The following MYH14 variants were observed in gnomAD, a reference collection of about 807,000 sequenced individuals.
MYH14 encodes the protein myosin-14.
A neutral mutation model predicts 255.5 loss-of-function variants in MYH14; 123 were observed. That is an observed-to-expected ratio of 0.48 (90% CI 0.42 to 0.56). The LOEUF (loss-of-function observed/expected upper bound fraction) is 0.56, where lower values mean the gene tolerates loss of function less well. Ranked by LOEUF, MYH14 falls within the 20% of genes least tolerant of loss-of-function variation. The pLI, the probability that MYH14 is intolerant of heterozygous loss-of-function variation, is 0.00. For missense variants in MYH14, 2,423 were observed against 2,802.3 expected (o/e 0.86, Z 3.06); for synonymous variants, 1,095 against 1,161.2 (o/e 0.94, Z 1.16).
rs746906367 is a variant in MYH14 at position 50,289,456 on chromosome 19, C to T, written c.4773C>T (p.Ala1591=). 76 of 1,610,970 alleles carry T rather than the reference C, an allele frequency of 4.7e-5. No homozygotes were observed. Among genetic ancestry groups the T allele is most frequent in the Non-Finnish European group, 6.1e-5 (72 of 1,178,860 alleles). The part of the protein sequence containing the change: ...VGKSVHELER[A]CRVAEQAAND... The stretch of plus-strand genomic sequence containing the variant: ...ACCAGGTGCATGAGCTGGAACGAGC[C>T]TGCCGGGTAGCAGAACAGGCAGCCA... Residue 1591 remains alanine (A), a synonymous_variant, in exon 35 of 43, where the codon GCC becomes GCT. Transcript: ENST00000642316.
intron 1 of MYH14, chr19:50,205,344 C>A: frequency 6.5e-6 from 1 of 154,352 alleles, no homozygotes; most frequent in South Asian, 1.8e-4. Context: ...GGCTCAACCC[C>A]CGCCTTCCCC....
intron 16 of MYH14, among the ~76,000 whole-genome samples, chr19:50,254,217 C>CA (rs56737609): frequency 0.017 from 1,426 of 85,026 alleles, 13 homozygotes; most frequent in African/African-American, 0.041. Context: ...AACTCTGTCT[C>CA]AAAAAAAAAA....
intron 23 of MYH14, 29 bp downstream of exon 23, chr19:50,267,037 C>A (rs1481859421): frequency 3.3e-6 from 4 of 1,220,010 alleles, no homozygotes; most frequent in South Asian, 4.3e-5. Context: ...GGCGTGGGGG[C>A]GTGTCTTCGG....
chr19:50,274,790 G>A (rs1474641520), intron 27 of MYH14, among the ~76,000 whole-genome samples: 1 of 152,076 alleles, frequency 6.6e-6, no homozygotes, highest in Non-Finnish European at 1.5e-5. Context: ...AATTAGCCAA[G>A]CATGGTGGCA....
At chr19:50,294,434 ATTTT>A (rs35542007) in intron 39 of MYH14, among the ~76,000 whole-genome samples, 21 of 134,526 alleles carry the variant, frequency 1.6e-4, no homozygotes, top group Non-Finnish European at 1.6e-4. Flanking sequence ...TTTTTTTCTA[ATTTT>A]TTTTTTTTTT....
intron 15 of MYH14, among the ~76,000 whole-genome samples, chr19:50,251,606 C>T (rs1180409656): frequency 6.6e-6 from 1 of 151,740 alleles, no homozygotes; most frequent in Non-Finnish European, 1.5e-5. Context: ...GAGACAGAGT[C>T]TCCCTCTGTT....
intron 16 of MYH14, among the ~76,000 whole-genome samples, chr19:50,253,117 T>C (rs1905064745): frequency 6.6e-6 from 1 of 152,204 alleles, no homozygotes; most frequent in African/African-American, 2.4e-5. Flanking sequence ...AGTAAACTTA[T>C]TATTTTTAGA....
At chr19:50,291,452 C>T (rs1293592630) in intron 36 of MYH14, among the ~76,000 whole-genome samples, 1 of 152,046 alleles carries the variant, frequency 6.6e-6, no homozygotes, top group Non-Finnish European at 1.5e-5. Context: ...AGGCGTGCGC[C>T]ATAATTTTTG....
At chr19:50,206,567 C>T (rs977802105) in intron 1 of MYH14, among the ~76,000 whole-genome samples, 4 of 151,956 alleles carry the variant, frequency 2.6e-5, no homozygotes, top group African/African-American at 7.3e-5. Context: ...AAGGGTCCAG[C>T]GTTTGAGGCC....
chr19:50,284,526 C>A (rs1321610816), intron 33 of MYH14, among the ~76,000 whole-genome samples: 1 of 151,874 alleles, frequency 6.6e-6, no homozygotes, highest in African/African-American at 2.4e-5. Flanking sequence ...TGCCGCCACA[C>A]CCGGCTAATT....
chr19:50,250,434 A>G lies in MYH14; in HGVS notation c.1657-81A>G. On this transcript the variant is annotated intron_variant, in intron 14 of 42. Coordinates refer to ENST00000642316, the MANE Select transcript of MYH14 (RefSeq NM_001145809.2). The surrounding 1 kb of genome is among the most constrained non-coding windows in gnomAD (Gnocchi z 5.4). ...TTGTTTTTATGTCCAAGTGTGACTT[A>G]TAAGAGCTAAAAATCAGCAGCCACC... 1.4e-6 allele frequency: 2 copies of G among 1,422,936 alleles called. No individual in the cohort carries two copies. Among genetic ancestry groups the G allele is most frequent in the East Asian group, 2.5e-5 (1 of 40,360 alleles). The allele number at this position is 1,422,936 out of a possible 1,614,324, so 88.1% of individuals were successfully genotyped here.
intron 20 of MYH14, among the ~76,000 whole-genome samples, chr19:50,261,073 CGCCCCCTCCCTATAACTCTTCTCCCCT>C (rs2034837422): frequency 1.9e-5 from 2 of 105,044 alleles, no homozygotes; most frequent in South Asian, 3.8e-4. Flanking sequence ...ACTCCCCCAT[CGCCCCCTCCCTATAACTCTTCTCCCCT>C]ATCACCCTCC....
chr19:50,279,876 T>G (rs1198431786), intron 30 of MYH14, among the ~76,000 whole-genome samples, 161 bp from the exon 31 acceptor site: 1 of 152,234 alleles, frequency 6.6e-6, no homozygotes, highest in Non-Finnish European at 1.5e-5. Flanking sequence ...TGTTGGGTCA[T>G]GTGGGAACCC....
chr19:50,231,950 T>C lies in MYH14; in HGVS notation c.994T>C (p.Cys332Arg), dbSNP rs1568481296. ...QLKADLLLEP[C>R]SHYRFLTNGP... ...TGCAGCCGACCTCCTCCTCGAGCCCTGCTCCCACTACCGGTTCCTGACCAA... is the reference window on the plus strand; with the variant it reads ...TGCAGCCGACCTCCTCCTCGAGCCCCGCTCCCACTACCGGTTCCTGACCAA... Residue 332 changes from cysteine to arginine, a missense_variant, in exon 10 of 43, where the codon TGC becomes CGC. Cys to Arg is a radical substitution (Grantham distance 180, BLOSUM62 -3). This residue lies in a region of MYH14 where 672 missense variants were observed against 881.8 expected (regional missense o/e 0.76). Transcript: ENST00000642316. The C allele has an allele frequency of 1.2e-6, 2 of 1,613,976 alleles. No individual in the cohort carries two copies. Among genetic ancestry groups the C allele is most frequent in the Non-Finnish European group, 1.7e-6 (2 of 1,179,900 alleles).
At chr19:50,286,390 T>C (rs972727932) in intron 33 of MYH14, 92 bp from the exon 34 acceptor site, 7 of 1,227,110 alleles carry the variant, frequency 5.7e-6, no homozygotes, top group Non-Finnish European at 7.9e-6. Flanking sequence ...TCTCTCTCTT[T>C]CTCTGTTCCT....
intron 21 of MYH14, among the ~76,000 whole-genome samples, chr19:50,261,960 G>A (rs916581119): frequency 6.6e-6 from 1 of 152,156 alleles, no homozygotes; most frequent in African/African-American, 2.4e-5. Flanking sequence ...GGCAACCCAG[G>A]TCAAGCTGTC....
rs774248169 is a variant in MYH14, at chr19:50,250,497, C to G, written c.1657-18C>G. On this transcript the variant is annotated intron_variant, in intron 14 of 42. Transcript: ENST00000642316. This position sits in a 1 kb window ranked among gnomAD's most constrained non-coding sequence, Gnocchi z 5.4. ...ATGTGGGGATCTGACTTACTCTCCCCCTGCTGTCAATGGCCAGGCCAACCC... is the reference window on the plus strand; with the variant it reads ...ATGTGGGGATCTGACTTACTCTCCCGCTGCTGTCAATGGCCAGGCCAACCC... The G allele has an allele frequency of 1.5e-5, 24 of 1,609,370 alleles. No homozygotes were observed. In the South Asian group the frequency reaches 2.3e-4, roughly 16 times the overall value.
At chr19:50,206,461 G>T (rs532356652) in intron 1 of MYH14, among the ~76,000 whole-genome samples, 1 of 152,234 alleles carries the variant, frequency 6.6e-6, no homozygotes, top group Admixed American at 6.5e-5. Flanking sequence ...GATGGAGTTT[G>T]GGTCCGGTGT....
At chr19:50,227,037 G>T in intron 8 of MYH14, 71 bp downstream of exon 8, 4 of 1,289,148 alleles carry the variant, frequency 3.1e-6, no homozygotes, top group Non-Finnish European at 3.2e-6. Context: ...AGTATGGAAA[G>T]CACCTCCCAC....
Sources: allele counts gnomAD v4.1 joint callset (sites outside exome capture counted in the v4.1 genomes callset), GRCh38; gene constraint gnomAD v4.1.1; regional missense constraint gnomAD v4.1.1; non-coding constraint Gnocchi (gnomAD v3.1); transcripts MANE v1.5; gene names NCBI Gene and HGNC (gene_info 2026-07-23, HGNC 2026-07-21).